Variants in GUCA1C observed in about 807,000 individuals in gnomAD.
GUCA1C encodes guanylyl cyclase-activating protein 3.
Under a neutral mutation model 16.2 loss-of-function variants are expected in GUCA1C, and 15 were observed. The observed-to-expected ratio is 0.93, with a 90% confidence interval of 0.62 to 1.43. The LOEUF (loss-of-function observed/expected upper bound fraction) is 1.43. Among genes scored for constraint, GUCA1C ranks in the 40% most tolerant of loss-of-function variants. The pLI is 0.00. For synonymous variants in GUCA1C, 78 were observed against 85.4 expected (o/e 0.91, Z 0.48); for missense variants, 275 against 244.8 (o/e 1.12, Z -0.82).
At chr3:108,915,008 T>G (rs9867549) in intron 3 of GUCA1C, among the ~76,000 whole-genome samples, 14,659 of 152,228 alleles carry the variant, frequency 0.096, 728 homozygotes, top group Middle Eastern at 0.15. Flanking sequence ...ACCGAGGTGC[T>G]TAAGAGAAGA....
At chr3:108,946,481 T>C (rs147722406) in intron 1 of GUCA1C, among the ~76,000 whole-genome samples, 1 of 152,308 alleles carries the variant, frequency 6.6e-6, no homozygotes, top group East Asian at 1.9e-4. Flanking sequence ...ACCAAAATTA[T>C]TGACTTCCTT....
chr3:108,931,797 G>A (rs898114392), intron 1 of GUCA1C, among the ~76,000 whole-genome samples: 1 of 151,928 alleles, frequency 6.6e-6, no homozygotes, highest in Non-Finnish European at 1.5e-5. Flanking sequence ...TGACTAAGAA[G>A]GATGCAATAG....
intron 2 of GUCA1C, among the ~76,000 whole-genome samples, chr3:108,918,378 C>T (rs1315417324): frequency 1.1e-4 from 16 of 152,172 alleles, no homozygotes. Context: ...ATGGAAAACA[C>T]CCTAGCATCC....
intron 3 of GUCA1C, among the ~76,000 whole-genome samples, chr3:108,914,542 T>C (rs7629127): frequency 0.63 from 95,186 of 152,052 alleles, 29,993 homozygotes; most frequent in Admixed American, 0.68. Context: ...TGGATATTAT[T>C]AAACATTCTT....
rs769302584 is a variant in GUCA1C, at chr3:108,908,125, G to A, written c.527C>T (p.Ser176Phe). The A allele has an allele frequency of 4.3e-6, 7 of 1,613,468 alleles. No homozygotes were observed. Among genetic ancestry groups the A allele is most frequent in the Non-Finnish European group, 5.9e-6 (7 of 1,179,546 alleles). Residue 176 changes from serine to phenylalanine, a missense_variant, in exon 4 of 4, where the codon TCC becomes TTC. Transcript: ENST00000261047. ...LEIVYKSFDF[S>F]NVLRVICNGK... ...ATTACAGATTACTCTCAGCACATTG[G>A]AGAAGTCGAAGCTCTTGTAAACAAT... is the stretch of plus-strand genomic sequence containing the variant.
At chr3:108,944,833 G>T (rs563957381) in intron 1 of GUCA1C, among the ~76,000 whole-genome samples, 2 of 152,222 alleles carry the variant, frequency 1.3e-5, no homozygotes, top group South Asian at 2.1e-4. Context: ...GATTTGAGGG[G>T]GTCAATAATC....
intron 1 of GUCA1C, among the ~76,000 whole-genome samples, chr3:108,933,785 A>G (rs1412020753): frequency 6.6e-6 from 1 of 152,000 alleles, no homozygotes; most frequent in Non-Finnish European, 1.5e-5. Flanking sequence ...TTTCTCAAAG[A>G]CCTTAAAACA....
At chr3:108,941,074 C>A (rs956462346) in intron 1 of GUCA1C, among the ~76,000 whole-genome samples, 12 of 147,420 alleles carry the variant, frequency 8.1e-5, no homozygotes, top group African/African-American at 1.7e-4. Context: ...AAAAAAAAAA[C>A]AAAACCAGCA....
At chr3:108,946,890 T>TGAAAAA (rs1946849223) in intron 1 of GUCA1C, among the ~76,000 whole-genome samples, 1 of 70,720 alleles carries the variant, frequency 1.4e-5, no homozygotes, top group South Asian at 4.9e-4. Flanking sequence ...ATCAAGAATC[T>TGAAAAA]GAAAAAAAAA....
chr3:108,949,706 G>A (rs1198648481), intron 1 of GUCA1C, among the ~76,000 whole-genome samples: 1 of 152,104 alleles, frequency 6.6e-6, no homozygotes, highest in East Asian at 1.9e-4. Flanking sequence ...AGCAGTGTCA[G>A]GCACATCATA....
chr3:108,945,418 C>G (rs1048004236), intron 1 of GUCA1C, among the ~76,000 whole-genome samples: 1 of 152,198 alleles, frequency 6.6e-6, no homozygotes, highest in African/African-American at 2.4e-5. Flanking sequence ...GAGCCACATA[C>G]TTTCATTTTG....
intron 3 of GUCA1C, among the ~76,000 whole-genome samples, chr3:108,914,508 TC>T (rs1946487090): frequency 6.6e-6 from 1 of 152,190 alleles, no homozygotes; most frequent in Non-Finnish European, 1.5e-5. Flanking sequence ...TTCCCCTCAC[TC>T]CTAGCACTAG....
intron 1 of GUCA1C, among the ~76,000 whole-genome samples, chr3:108,946,121 T>C (rs1010902363): frequency 9.9e-5 from 15 of 152,194 alleles, no homozygotes; most frequent in Non-Finnish European, 1.3e-4. Context: ...AAGAGTTTCA[T>C]TTTAATGATT....
chr3:108,918,515 T>C (rs1946539392), intron 2 of GUCA1C, among the ~76,000 whole-genome samples: 1 of 152,204 alleles, frequency 6.6e-6, no homozygotes, highest in Admixed American at 6.5e-5. Flanking sequence ...AATTGCAGGA[T>C]ACAACCACAT....
chr3:108,911,966 CGT>C (rs1946459582), intron 3 of GUCA1C, among the ~76,000 whole-genome samples: 1 of 151,668 alleles, frequency 6.6e-6, no homozygotes, highest in Non-Finnish European at 1.5e-5. Flanking sequence ...ATTAGCCGGG[CGT>C]AGTGGTGGGT....
At chr3:108,948,838 G>C (rs766805238) in intron 1 of GUCA1C, among the ~76,000 whole-genome samples, 1 of 147,588 alleles carries the variant, frequency 6.8e-6, no homozygotes, top group Non-Finnish European at 1.5e-5. Flanking sequence ...GTGTCTAACA[G>C]ATCTGGGAAT....
At chr3:108,912,530 A>G (rs1946467202) in intron 3 of GUCA1C, among the ~76,000 whole-genome samples, 1 of 152,072 alleles carries the variant, frequency 6.6e-6, no homozygotes, top group African/African-American at 2.4e-5. Flanking sequence ...TTATAACAAT[A>G]ATATGTCCTC....
rs368503159 is a variant in GUCA1C at position 108,916,081 on chromosome 3, T to A, written c.442+46A>T. 1.2e-5 allele frequency: 19 copies of A among 1,609,596 alleles called. No homozygotes were observed. The African/African-American group carries it at 2.4e-4, about 20-fold the overall frequency. On this transcript the variant is annotated intron_variant, in intron 3 of 3. Transcript: ENST00000261047. ...AATAACACTCCCCACTACCACCATC[T>A]CCTACTTTGTAGGAAAAGTGATCCA...
At chr3:108,953,515 G>T in intron 1 of GUCA1C, 44 bp downstream of exon 1, 37 of 1,243,368 alleles carry the variant, frequency 3.0e-5, no homozygotes, top group Non-Finnish European at 3.8e-5. Context: ...GAAGAGTGCA[G>T]AACCACAGCA....
Sources: allele counts gnomAD v4.1 joint callset (sites outside exome capture counted in the v4.1 genomes callset), GRCh38; gene constraint gnomAD v4.1.1; transcripts MANE v1.5; gene names NCBI Gene and HGNC (gene_info 2026-07-23, HGNC 2026-07-21).